The following HMCN2 variants were observed in gnomAD, a reference collection of about 807,000 sequenced individuals.
The protein encoded by HMCN2 is hemicentin-2.
HMCN2 carries 325 observed loss-of-function variants against 377.5 expected under a neutral mutation model. That is an observed-to-expected ratio of 0.86 (90% CI 0.79 to 0.94). HMCN2 has a LOEUF of 0.94. Ranked by LOEUF, HMCN2 falls within the 40% of genes least tolerant of loss-of-function variation. The pLI, the probability that HMCN2 is intolerant of heterozygous loss-of-function variation, is 0.00. For missense variants in HMCN2, 4,543 were observed against 4,725.3 expected, an observed-to-expected ratio of 0.96 and a Z score of 1.13; for synonymous variants, 2,007 against 2,046.8, an observed-to-expected ratio of 0.98 and a Z score of 0.53.
In HMCN2 at chr9:130,354,843, G is replaced by T. The variant is rs553381866; in HGVS notation, c.4945G>T (p.Val1649Leu). The T allele has an allele frequency of 4.6e-6, 6 of 1,304,124 alleles. No homozygotes were observed. In the East Asian group the frequency reaches 2.2e-4, roughly 48 times the overall value. The allele number at this position is 1,304,124 out of a possible 1,614,324, so 80.8% of individuals were successfully genotyped here. A position where few individuals can be genotyped will look rare whatever the true frequency, so the allele number is the denominator to read the frequency against. ...VAGRPVALEC[V>L]ARGHPSPTLS... ...TGGGAGGCCTGTGGCGCTGGAGTGC[G>T]TGGCCAGAGGCCACCCGTCCCCCAC... The change falls in exon 32 of 98, where the codon GTG (valine) becomes TTG (leucine). Residue 1649 changes from valine to leucine, a missense_variant. By Grantham distance (32) the Val-to-Leu change is conservative (BLOSUM62 1). Coordinates refer to ENST00000683500, the MANE Select transcript of HMCN2 (RefSeq NM_001291815.2).
intron 46 of HMCN2, among the ~76,000 whole-genome samples, 177 bp from the exon 47 acceptor site, chr9:130,372,117 A>G (rs533663178): frequency 2.6e-5 from 4 of 152,204 alleles, no homozygotes; most frequent in Non-Finnish European, 5.9e-5. Flanking sequence ...AGGCAGTTCC[A>G]TCCATTTGTT....
At chr9:130,290,862 GA>G (rs34729181) in intron 4 of HMCN2, among the ~76,000 whole-genome samples, 74,234 of 121,042 alleles carry the variant, frequency 0.61, 20,521 homozygotes, top group East Asian at 0.77. Flanking sequence ...AGCTCAGTCT[GA>G]AAAAAAAAAA....
In HMCN2 at chr9:130,351,083, T is replaced by C. The variant is rs1206529423; in HGVS notation, c.4431-340T>C. On this transcript the variant is annotated intron_variant, in intron 29 of 97. Coordinates refer to ENST00000683500, the MANE Select transcript of HMCN2 (RefSeq NM_001291815.2). This position sits in a 1 kb window ranked among gnomAD's most constrained non-coding sequence, Gnocchi z 5.4. ...CAACCACAAGCCTGCTTTCCTTCTC[T>C]ATGGACGTGCCTGTTCTGGGTACTT... 6.6e-6 allele frequency among the ~76,000 whole-genome samples: 1 copy of C among 152,190 alleles called. No homozygotes were observed. Among genetic ancestry groups the C allele is most frequent in the African/African-American group, 2.4e-5 (1 of 41,452 alleles).
At chr9:130,345,565 T>C (rs1454877004) in intron 25 of HMCN2, among the ~76,000 whole-genome samples, 16 of 146,066 alleles carry the variant, frequency 1.1e-4, no homozygotes, top group Middle Eastern at 3.4e-3. Context: ...TTGGTGTGTA[T>C]GTTTGTGTGT....
intron 24 of HMCN2, 57 bp downstream of exon 24, chr9:130,341,422 G>T (rs1236286488): frequency 6.6e-6 from 1 of 152,326 alleles, no homozygotes; most frequent in Non-Finnish European, 1.5e-5. Flanking sequence ...CCACAGCCTG[G>T]ATTTGGGAGG....
chr9:130,306,656 G>T (rs1363514620), intron 12 of HMCN2, among the ~76,000 whole-genome samples, 155 bp from the exon 13 acceptor site: 1 of 151,266 alleles, frequency 6.6e-6, no homozygotes, highest in Non-Finnish European at 1.5e-5. Flanking sequence ...TGAGCCTCGA[G>T]AATTAAATTT....
At chr9:130,289,021 G>T (rs1011174099) in intron 4 of HMCN2, among the ~76,000 whole-genome samples, 33 of 152,228 alleles carry the variant, frequency 2.2e-4, no homozygotes, top group Non-Finnish European at 3.7e-4. Flanking sequence ...CAAGTTCCCT[G>T]GCAGACACAG....
intron 54 of HMCN2, 109 bp downstream of exon 54, chr9:130,379,576 T>G (rs775594970): frequency 1.0e-4 from 37 of 363,882 alleles, no homozygotes; most frequent in Non-Finnish European, 1.4e-4. Flanking sequence ...AGCTGCAATT[T>G]GTAAACTGGG....
chr9:130,351,687 A>G lies in HMCN2; in HGVS notation c.4585+110A>G. 1.2e-6 allele frequency: 1 copy of G among 829,884 alleles called. No homozygotes were observed. The highest frequency in any genetic ancestry group is 1.6e-6 in the Non-Finnish European group (1 of 610,378). 51.4% of individuals were successfully genotyped at this position (829,884 alleles called of 1,614,324 possible). A position where few individuals can be genotyped will look rare whatever the true frequency, so the allele number is the denominator to read the frequency against. ...GAGGGCTGAAATGGGGGACCTGGTGAGTGATCCCTGAGTCCAAGAAAGCTG... is the reference window on the plus strand; with the variant it reads ...GAGGGCTGAAATGGGGGACCTGGTGGGTGATCCCTGAGTCCAAGAAAGCTG... On this transcript the variant is annotated intron_variant, in intron 30 of 97. Coordinates refer to ENST00000683500, the MANE Select transcript of HMCN2 (RefSeq NM_001291815.2). This position sits in a 1 kb window ranked among gnomAD's most constrained non-coding sequence, Gnocchi z 5.4.
In HMCN2 at chr9:130,405,005, C is replaced by T. The variant is rs1179582831; in HGVS notation, c.12285C>T (p.Ala4095=). 4 of 1,289,656 alleles carry T rather than the reference C, an allele frequency of 3.1e-6. No homozygotes were observed. Among genetic ancestry groups the T allele is most frequent in the South Asian group, 1.2e-5 (1 of 80,950 alleles). 79.9% of individuals were successfully genotyped at this position (1,289,656 alleles called of 1,614,324 possible). ...AAGATGGCCAGCCTGTGTCGGGCGC[C>T]GAGGGGAAGTTCACCATCCAGCCTT... ...WDKDGQPVSG[A]EGKFTIQPSG... Residue 4095 remains alanine, a synonymous_variant, in exon 81 of 98, where the codon GCC becomes GCT. Transcript: ENST00000683500.
rs560914022 is a variant in HMCN2 at position 130,348,630 on chromosome 9, C to G, written c.4110C>G (p.Asn1370Lys). The G allele has an allele frequency of 5.2e-5, 67 of 1,296,768 alleles. No individual in the cohort carries two copies. In the East Asian group the frequency reaches 2.4e-3, roughly 46 times the overall value. The allele number at this position is 1,296,768 out of a possible 1,614,324, so 80.3% of individuals were successfully genotyped here. Reference sequence around the variant, plus strand: ...CCCTGACGCTGGAGTGTGACGCGAACGGCTTTCCAGTCCCTGAGATCGTGT... The same window carrying G: ...CCCTGACGCTGGAGTGTGACGCGAAGGGCTTTCCAGTCCCTGAGATCGTGT... ...GQSLTLECDA[N>K]GFPVPEIVWL... The change falls in exon 27 of 98, where the codon AAC becomes AAG. Residue 1370 changes from asparagine to lysine, a missense_variant. By Grantham distance (94) the Asn-to-Lys change is moderately conservative. Around this residue, in one of 5 missense-constraint regions of HMCN2, gnomAD observed 1,032 missense variants for 1,285.1 expected, o/e 0.80. Transcript: ENST00000683500.
intron 90 of HMCN2, among the ~76,000 whole-genome samples, chr9:130,426,330 C>T (rs1362870574): frequency 6.6e-6 from 1 of 152,206 alleles, no homozygotes; most frequent in African/African-American, 2.4e-5. Context: ...TTTCTGTTCA[C>T]CCAGTGAATG....
intron 49 of HMCN2, among the ~76,000 whole-genome samples, chr9:130,375,016 A>G (rs899128637): frequency 5.3e-5 from 8 of 152,190 alleles, no homozygotes; most frequent in Non-Finnish European, 1.0e-4. Context: ...ACAACTAGGC[A>G]TCTCTCCATC....
Position 130,405,977 on chromosome 9 carries a change from C to A in HMCN2, c.12362C>A (p.Thr4121Asn). 7.8e-7 allele frequency: 1 copy of A among 1,289,414 alleles called. No homozygotes were observed. Among genetic ancestry groups the A allele is most frequent in the Non-Finnish European group, 1.0e-6 (1 of 988,706 alleles). 79.9% of individuals were successfully genotyped at this position (1,289,414 alleles called of 1,614,324 possible). ...NLEGQDAGTYTCTAENAVGRA... is the reference protein window; with the variant it reads ...NLEGQDAGTYNCTAENAVGRA... The stretch of plus-strand genomic sequence containing the variant: ...CAGGGCCAGGACGCAGGCACCTATA[C>A]CTGTACCGCTGAGAACGCCGTGGGC... The change falls in exon 82 of 98, where the codon ACC becomes AAC. Residue 4121 changes from threonine (T) to asparagine (N), a missense_variant. Coordinates refer to ENST00000683500, the MANE Select transcript of HMCN2 (RefSeq NM_001291815.2).
chr9:130,420,235 C>T (rs1237119261), intron 86 of HMCN2, among the ~76,000 whole-genome samples: 7 of 151,960 alleles, frequency 4.6e-5, no homozygotes, highest in East Asian at 1.9e-4. Context: ...CCACCATGCC[C>T]GGCTAGTTTT....
chr9:130,372,440 A>C, intron 47 of HMCN2, 33 bp downstream of exon 47: 1 of 870,310 alleles, frequency 1.1e-6, no homozygotes. Flanking sequence ...TGGGTGCCCT[A>C]TGAACTCTTC....
At chr9:130,348,698 C>T (rs1219302113) in intron 27 of HMCN2, 23 bp downstream of exon 27, 7 of 417,020 alleles carry the variant, frequency 1.7e-5, no homozygotes, top group East Asian at 8.3e-5. Context: ...CTAGGGTGGG[C>T]GGGGTATGGG....
intron 4 of HMCN2, among the ~76,000 whole-genome samples, chr9:130,288,201 G>C (rs1554928699): frequency 1.3e-5 from 2 of 152,212 alleles, no homozygotes; most frequent in Non-Finnish European, 2.9e-5. Flanking sequence ...TCGCCCAGGT[G>C]TGAGGCTGGG....
At chr9:130,280,591 T>C (rs1554925358) in intron 1 of HMCN2, among the ~76,000 whole-genome samples, 1 of 152,154 alleles carries the variant, frequency 6.6e-6, no homozygotes, top group Non-Finnish European at 1.5e-5. Context: ...ATCCTTCCTA[T>C]TAAAATGATG....
Sources: gnomAD v4.1 joint callset for allele counts (sites outside exome capture counted in the v4.1 genomes callset) on GRCh38, gnomAD v4.1.1 for gene constraint, gnomAD v4.1.1 regional missense constraint, Gnocchi (gnomAD v3.1) non-coding constraint, MANE v1.5 for transcripts, NCBI Gene and HGNC (gene_info 2026-07-23, HGNC 2026-07-21) for gene names.